ITGB5: variants seen among roughly 807,000 people sequenced by gnomAD.
ITGB5 encodes the protein integrin beta-5.
Under a neutral mutation model 84.8 loss-of-function variants are expected in ITGB5, and 38 were observed. The observed-to-expected ratio is 0.45, with a 90% CI of 0.35 to 0.59. ITGB5 has a LOEUF of 0.59. ITGB5 is among the 20% of genes least tolerant of loss of function. ITGB5 has a pLI of 0.01. For synonymous variants in ITGB5, 393 were observed against 414.4 expected (o/e 0.95, Z 0.63); for missense variants, 905 against 1,034.5 (o/e 0.87, Z 1.72).
intron 12 of ITGB5, among the ~76,000 whole-genome samples, chr3:124,768,190 A>G (rs968750819): frequency 6.6e-6 from 1 of 152,234 alleles, no homozygotes; most frequent in Admixed American, 6.5e-5. Context: ...AGGAGTTTGC[A>G]GAAGCCAGAG....
chr3:124,861,495 T>TATACACACACACACACACAC (rs750712591), intron 2 of ITGB5, among the ~76,000 whole-genome samples: 5 of 111,990 alleles, frequency 4.5e-5, no homozygotes, highest in African/African-American at 1.9e-4. Flanking sequence ...TATATATATA[T>TATACACACACACACACACAC]ACACACACAC....
intron 1 of ITGB5, among the ~76,000 whole-genome samples, chr3:124,878,000 G>A (rs1336194943): frequency 3.3e-5 from 5 of 152,186 alleles, no homozygotes; most frequent in Admixed American, 6.5e-5. Context: ...ATGCCATCAC[G>A]CCTGGCTAAT....
chr3:124,786,830 G>A (rs1443638333), intron 10 of ITGB5, among the ~76,000 whole-genome samples: 1 of 152,212 alleles, frequency 6.6e-6, no homozygotes, highest in Non-Finnish European at 1.5e-5. Context: ...AACCAACTAT[G>A]TTGAAGTATC....
chr3:124,850,549 G>C (rs1400482835), intron 3 of ITGB5, among the ~76,000 whole-genome samples: 3 of 107,252 alleles, frequency 2.8e-5, no homozygotes, highest in Non-Finnish European at 5.3e-5. Context: ...ACCATGGGGT[G>C]GGGGGAGGGG....
rs1319646955 is a variant in ITGB5 at position 124,762,498 on chromosome 3, TCATGGCC to T, written c.*1118_*1124del. On this transcript the variant is annotated 3_prime_UTR_variant, in exon 15 of 15. Transcript: ENST00000296181. Reference sequence around the variant, plus strand: ...TTAGATATGGGAACTTAAGGGGACTTCATGGCCCTGCGGGAAAAAAGCTCAAATGTGT... The same window carrying T: ...TTAGATATGGGAACTTAAGGGGACTTCTGCGGGAAAAAAGCTCAAATGTGT... 1.3e-5 allele frequency: 2 copies of T among 152,204 alleles called. No homozygotes were observed. Among genetic ancestry groups the T allele is most frequent in the African/African-American group, 2.4e-5 (1 of 41,446 alleles). 9.4% of individuals were successfully genotyped at this position (152,204 alleles called of 1,614,324 possible).
chr3:124,822,161 T>C (rs1429501881), intron 5 of ITGB5, among the ~76,000 whole-genome samples: 3 of 152,324 alleles, frequency 2.0e-5, no homozygotes, highest in East Asian at 3.9e-4. Flanking sequence ...ACAGTCTGTA[T>C]TGGAAAGGAA....
intron 5 of ITGB5, among the ~76,000 whole-genome samples, chr3:124,822,069 TAA>T (rs59358574): frequency 0.1 from 15,443 of 152,256 alleles, 920 homozygotes; most frequent in South Asian, 0.2. Context: ...CATTGGTAGT[TAA>T]AGTCAATCAG....
chr3:124,805,888 C>T lies in ITGB5; in HGVS notation c.1263+3134G>A, dbSNP rs139327146. On this transcript the variant is annotated intron_variant, in intron 9 of 14. Coordinates refer to ENST00000296181, the MANE Select transcript of ITGB5 (RefSeq NM_002213.5). Reference sequence around the variant, plus strand: ...CTGAACTAAAACATAAGACATTAATCTTCATGATTTCAATCCATCTCAATT... The same window carrying T: ...CTGAACTAAAACATAAGACATTAATTTTCATGATTTCAATCCATCTCAATT... 2.3e-3 allele frequency among the ~76,000 whole-genome samples: 353 copies of T among 152,248 alleles called. 1 individual carries two copies. The highest frequency in any genetic ancestry group is 4.1e-3 in the Non-Finnish European group (279 of 68,024).
At chr3:124,769,262 C>T in intron 11 of ITGB5, 149 bp from the exon 12 acceptor site, 1 of 624,936 alleles carries the variant, frequency 1.6e-6, no homozygotes, top group East Asian at 2.8e-5. Context: ...TCTGCTCTGC[C>T]TTTCTTCTTG....
chr3:124,836,705 T>C (rs2064939847), intron 5 of ITGB5, among the ~76,000 whole-genome samples: 1 of 152,216 alleles, frequency 6.6e-6, no homozygotes, highest in South Asian at 2.1e-4. Flanking sequence ...TGTAGGATTC[T>C]GGTAAGGATC....
intron 5 of ITGB5, among the ~76,000 whole-genome samples, chr3:124,832,603 G>A (rs965001016): frequency 6.6e-6 from 1 of 152,220 alleles, no homozygotes; most frequent in Admixed American, 6.5e-5. Flanking sequence ...CGGGTCTGAA[G>A]GAGCCAGTCC....
intron 5 of ITGB5, among the ~76,000 whole-genome samples, chr3:124,839,227 G>A (rs932482786): frequency 6.6e-6 from 1 of 152,330 alleles, no homozygotes; most frequent in South Asian, 2.1e-4. Context: ...ACAGGTATAA[G>A]CCTGAAACTT....
intron 8 of ITGB5, among the ~76,000 whole-genome samples, chr3:124,813,617 A>G (rs1204496088): frequency 1.3e-5 from 2 of 152,214 alleles, no homozygotes; most frequent in Admixed American, 1.3e-4. Context: ...CATATGAATA[A>G]GAGATAAAGG....
In ITGB5 at chr3:124,818,757, T is replaced by C. The variant is rs376330309; in HGVS notation, c.1038+982A>G. 2.0e-5 allele frequency among the ~76,000 whole-genome samples: 3 copies of C among 152,128 alleles called. No individual in the cohort carries two copies. In the East Asian group the frequency reaches 5.8e-4, roughly 29 times the overall value. ...CCCTTGTTTCATCTTCTAACATTGA[T>C]TTGAACTAAAGGAGGATAAAGAACT... is the stretch of plus-strand genomic sequence containing the variant. On this transcript the variant is annotated intron_variant, in intron 7 of 14. Transcript: ENST00000296181.
chr3:124,862,112 T>C (rs1017757956), intron 2 of ITGB5: 5 of 152,406 alleles, frequency 3.3e-5, no homozygotes, highest in Admixed American at 1.3e-4. Context: ...CTAGAGAATT[T>C]CTGAATTTCT....
intron 10 of ITGB5, among the ~76,000 whole-genome samples, chr3:124,790,611 T>C (rs1364171702): frequency 1.3e-5 from 2 of 152,218 alleles, no homozygotes; most frequent in Non-Finnish European, 2.9e-5. Context: ...AGAACTTTGC[T>C]AAATCGGCCG....
At chr3:124,776,969 G>A (rs2063935092) in intron 10 of ITGB5, among the ~76,000 whole-genome samples, 1 of 152,048 alleles carries the variant, frequency 6.6e-6, no homozygotes, top group African/African-American at 2.4e-5. Context: ...AGCCAGGCAA[G>A]GTGCCTGCTG....
rs546898718 is a variant in ITGB5, at chr3:124,856,914, C to T, written c.361+2328G>A. On this transcript the variant is annotated intron_variant, in intron 3 of 14. Transcript: ENST00000296181. ...CACTCACACAGCTCTGTAAGAGTTC[C>T]CTTCCTTTTCTCTCTCAATTCAGTA... 3.9e-5 allele frequency among the ~76,000 whole-genome samples: 6 copies of T among 152,236 alleles called. No homozygotes were observed. In the South Asian group the frequency reaches 1.2e-3, roughly 32 times the overall value.
At chr3:124,867,431 G>A (rs2065408549) in intron 2 of ITGB5, among the ~76,000 whole-genome samples, 1 of 152,138 alleles carries the variant, frequency 6.6e-6, no homozygotes, top group African/African-American at 2.4e-5. Flanking sequence ...CAAACCCTAA[G>A]TGCAATCTCT....
Sources: gnomAD v4.1 joint callset for allele counts (sites outside exome capture counted in the v4.1 genomes callset) on GRCh38, gnomAD v4.1.1 for gene constraint, MANE v1.5 for transcripts, NCBI Gene and HGNC (gene_info 2026-07-23, HGNC 2026-07-21) for gene names.